The following ITGA2 variants were observed in gnomAD, a reference collection of about 807,000 sequenced individuals.
ITGA2 encodes integrin alpha-2.
ITGA2 carries 101 observed loss-of-function variants against 146.3 expected under a neutral mutation model. The observed-to-expected ratio is 0.69, with a 90% CI of 0.59 to 0.81. The LOEUF is 0.81. Among genes scored for constraint, ITGA2 ranks in the 40% least tolerant of loss-of-function variants. The pLI is 0.00. For missense variants in ITGA2, 1,281 were observed against 1,402.7 expected, an observed-to-expected ratio of 0.91 and a Z score of 1.39; for synonymous variants, 477 against 487.1, an observed-to-expected ratio of 0.98 and a Z score of 0.27.
intron 6 of ITGA2, among the ~76,000 whole-genome samples, chr5:53,049,178 A>C (rs1024029844): frequency 6.6e-6 from 1 of 151,844 alleles, no homozygotes; most frequent in Non-Finnish European, 1.5e-5. Flanking sequence ...CACCCAGCTA[A>C]TTTTTGTATT....
chr5:52,996,977 C>A (rs894962291), intron 1 of ITGA2, among the ~76,000 whole-genome samples: 1 of 152,114 alleles, frequency 6.6e-6, no homozygotes, highest in African/African-American at 2.4e-5. Context: ...CAAAGCATTT[C>A]AAAACATTTT....
At chr5:53,043,239 T>C (rs1306558180) in intron 3 of ITGA2, among the ~76,000 whole-genome samples, 3 of 150,074 alleles carry the variant, frequency 2.0e-5, no homozygotes, top group Admixed American at 6.7e-5. Context: ...TATATACATT[T>C]GGAGTGAGTG....
rs893468067 is a variant in ITGA2, at chr5:53,075,270, C to G, written c.2791C>G (p.Pro931Ala). The change falls in exon 23 of 30, where the codon CCT becomes GCT. Residue 931 changes from proline (P) to alanine (A), a missense_variant. Pro to Ala is a conservative substitution (Grantham distance 27, BLOSUM62 -1). Transcript: ENST00000296585. ...KADNLVNLKI[P>A]LLYDAEIHLT... ...TGATAATTTGGTCAACCTCAAAATT[C>G]CTCTCCTGTATGATGCTGAAATTCA... is the stretch of plus-strand genomic sequence containing the variant. 7.4e-6 allele frequency: 12 copies of G among 1,612,696 alleles called. No individual in the cohort carries two copies. Among genetic ancestry groups the G allele is most frequent in the Non-Finnish European group, 9.3e-6 (11 of 1,179,286 alleles).
At chr5:53,069,194 A>G (rs1419000261) in intron 16 of ITGA2, among the ~76,000 whole-genome samples, 1 of 151,926 alleles carries the variant, frequency 6.6e-6, no homozygotes, top group Non-Finnish European at 1.5e-5. Context: ...GAATGGCACC[A>G]GGTGTTCTCT....
chr5:53,093,994 AATTT>A lies in ITGA2; in HGVS notation c.*3399_*3402del, dbSNP rs1187340750. The A allele has an allele frequency of 2.0e-5, 3 of 152,654 alleles. No homozygotes were observed. The highest frequency in any genetic ancestry group is 7.2e-5 in the African/African-American group (3 of 41,472). 9.5% of individuals were successfully genotyped at this position (152,654 alleles called of 1,614,324 possible). On this transcript the variant is annotated 3_prime_UTR_variant, in exon 30 of 30. Coordinates refer to ENST00000296585, the MANE Select transcript of ITGA2 (RefSeq NM_002203.4). ...AACTGTGAAGAGTAAAACTAAAGCC[AATTT>A]ATTATAGTCACACAAGTGATTATAC...
intron 1 of ITGA2, among the ~76,000 whole-genome samples, chr5:53,017,107 G>A (rs2111770338): frequency 6.6e-6 from 1 of 152,266 alleles, no homozygotes; most frequent in East Asian, 1.9e-4. Flanking sequence ...TTCAGCCTGG[G>A]TAAGAACCAT....
intron 7 of ITGA2, among the ~76,000 whole-genome samples, chr5:53,052,663 C>G (rs1744431672): frequency 6.6e-6 from 1 of 152,032 alleles, no homozygotes; most frequent in South Asian, 2.1e-4. Flanking sequence ...CCTTAAACCT[C>G]ATCCTTTCTG....
At chr5:53,003,603 C>A (rs924156504) in intron 1 of ITGA2, among the ~76,000 whole-genome samples, 1 of 152,118 alleles carries the variant, frequency 6.6e-6, no homozygotes, top group African/African-American at 2.4e-5. Context: ...AAGAAACTGG[C>A]AGAATGGATG....
Position 53,080,621 on chromosome 5 carries a change from G to C in ITGA2, c.3039G>C (p.Lys1013Asn). 6.2e-7 allele frequency: 1 copy of C among 1,607,084 alleles called. No homozygotes were observed. The highest frequency in any genetic ancestry group is 8.5e-7 in the Non-Finnish European group (1 of 1,173,908). Residue 1013 changes from lysine to asparagine, a missense_variant and splice_region_variant, in exon 25 of 30, where the codon AAG becomes AAC. Around this residue, in one of 3 missense-constraint regions of ITGA2, gnomAD observed 475 missense variants for 530.5 expected, o/e 0.90. Coordinates refer to ENST00000296585, the MANE Select transcript of ITGA2 (RefSeq NM_002203.4). ...ACCTAACTGGGGTGCAAACAGACAA[G>C]GTAAAGATTAAAAAATTGCCTAAAA... is the stretch of plus-strand genomic sequence containing the variant. The part of the protein sequence containing the change: ...LMYLTGVQTD[K>N]AGDISCNADI...
chr5:53,034,181 A>G (rs368951109), intron 2 of ITGA2, among the ~76,000 whole-genome samples: 2 of 152,116 alleles, frequency 1.3e-5, no homozygotes, highest in Non-Finnish European at 2.9e-5. Context: ...TCCAACTGTA[A>G]TATATTCTTA....
chr5:53,028,863 G>A (rs1459947103), intron 2 of ITGA2, among the ~76,000 whole-genome samples: 1 of 152,182 alleles, frequency 6.6e-6, no homozygotes, highest in East Asian at 1.9e-4. Flanking sequence ...CCACCCTGAT[G>A]GAAGCCAACA....
At chr5:53,015,822 C>A (rs529529964) in intron 1 of ITGA2, among the ~76,000 whole-genome samples, 16 of 152,252 alleles carry the variant, frequency 1.1e-4, no homozygotes, top group African/African-American at 3.9e-4. Context: ...TTGAATTGAA[C>A]TCTTTACATG....
At chr5:53,072,534 A>G in intron 18 of ITGA2, 79 bp from the exon 19 acceptor site, 1 of 882,932 alleles carries the variant, frequency 1.1e-6, no homozygotes, top group South Asian at 1.4e-5. Context: ...TGTAAATAGA[A>G]TAATATTCTA....
At chr5:53,014,076 T>C (rs1742284868) in intron 1 of ITGA2, among the ~76,000 whole-genome samples, 4 of 152,114 alleles carry the variant, frequency 2.6e-5, no homozygotes, top group Admixed American at 2.6e-4. Flanking sequence ...TCTTTTTCTA[T>C]TTGGATGCCT....
intron 16 of ITGA2, 113 bp from the exon 17 acceptor site, chr5:53,069,996 T>A: frequency 1.2e-6 from 1 of 829,554 alleles, no homozygotes; most frequent in East Asian, 2.6e-5. Context: ...GAAGACTATT[T>A]CCATATTTTC....
At chr5:53,070,288 C>T (rs1292858379) in intron 17 of ITGA2, 28 bp downstream of exon 17, 1 of 1,609,762 alleles carries the variant, frequency 6.2e-7, no homozygotes, top group Non-Finnish European at 8.5e-7. Context: ...TCCCTTTTGA[C>T]TTTATTTCTT....
At chr5:53,018,979 G>C in intron 1 of ITGA2, among the ~76,000 whole-genome samples, 1 of 152,054 alleles carries the variant, frequency 6.6e-6, no homozygotes. Context: ...TATGAGAATT[G>C]CTTGAACCCG....
chr5:52,996,407 T>C (rs35235), intron 1 of ITGA2, among the ~76,000 whole-genome samples: 69,178 of 151,898 alleles, frequency 0.46, 16,042 homozygotes, highest in East Asian at 0.64. Flanking sequence ...TGTCCAGCAC[T>C]AGTAACAGCT....
intron 7 of ITGA2, among the ~76,000 whole-genome samples, chr5:53,052,221 A>G (rs2910973): frequency 6.6e-6 from 1 of 152,042 alleles, no homozygotes; most frequent in East Asian, 1.9e-4. Context: ...ACTTCTCCTA[A>G]TGCTATCCCT....
Sources: gnomAD v4.1 joint callset for allele counts (sites outside exome capture counted in the v4.1 genomes callset) on GRCh38, gnomAD v4.1.1 for gene constraint, gnomAD v4.1.1 regional missense constraint, MANE v1.5 for transcripts, NCBI Gene and HGNC (gene_info 2026-07-23, HGNC 2026-07-21) for gene names.